MAP2K5: variants seen among roughly 807,000 people sequenced by gnomAD.
MAP2K5 encodes the protein dual specificity mitogen-activated protein kinase kinase 5.
In MAP2K5, 49 loss-of-function variants were observed where a neutral mutation model predicts 83.1. The observed-to-expected ratio is 0.59, with a 90% confidence interval of 0.47 to 0.75. The LOEUF (loss-of-function observed/expected upper bound fraction) is 0.75, where lower values mean the gene tolerates loss of function less well. Ranked by LOEUF, MAP2K5 falls within the 30% of genes least tolerant of loss-of-function variation. The probability of loss-of-function intolerance (pLI) is 0.00; values close to 1 mark genes in which losing one functional copy is unlikely to be tolerated. For missense variants in MAP2K5, 457 were observed against 557.5 expected, an observed-to-expected ratio of 0.82 and a Z score of 1.82; for synonymous variants, 202 against 191.8, an observed-to-expected ratio of 1.05 and a Z score of -0.44.
At chr15:67,741,452 C>A (rs2089489942) in intron 17 of MAP2K5, among the ~76,000 whole-genome samples, 1 of 152,184 alleles carries the variant, frequency 6.6e-6, no homozygotes, top group South Asian at 2.1e-4. Flanking sequence ...CTGGAGCAAC[C>A]CACTTCCTGT....
Position 67,573,074 on chromosome 15 carries a change from G to A in MAP2K5, c.253-7680G>A, listed in dbSNP as rs1313447015. On this transcript the variant is annotated intron_variant, in intron 3 of 21. Coordinates refer to ENST00000178640, the MANE Select transcript of MAP2K5 (RefSeq NM_145160.3). This position sits in a 1 kb window ranked among gnomAD's most constrained non-coding sequence, Gnocchi z 4.2. ...AGGGTATCAGGACATTCCTGAACCT[G>A]GGTATGTTTAGTAAACGTTATCAAT... 6.6e-6 allele frequency among the ~76,000 whole-genome samples: 1 copy of A among 152,090 alleles called. No homozygotes were observed. Among genetic ancestry groups the A allele is most frequent in the Non-Finnish European group, 1.5e-5 (1 of 68,024 alleles).
chr15:67,754,403 A>G (rs1244544278), intron 19 of MAP2K5, among the ~76,000 whole-genome samples: 2 of 152,228 alleles, frequency 1.3e-5, no homozygotes, highest in African/African-American at 4.8e-5. Flanking sequence ...GTAGAAGACT[A>G]CCACAGCTAG....
chr15:67,766,531 A>G (rs2090044713), intron 19 of MAP2K5, among the ~76,000 whole-genome samples: 2 of 152,196 alleles, frequency 1.3e-5, no homozygotes, highest in African/African-American at 4.8e-5. Context: ...CAACTGCTTT[A>G]CTAGAGTCTC....
chr15:67,740,641 A>T (rs1156439096), intron 17 of MAP2K5, among the ~76,000 whole-genome samples: 2 of 152,176 alleles, frequency 1.3e-5, no homozygotes, highest in Non-Finnish European at 2.9e-5. Context: ...CTTTTTCAGT[A>T]TATAAAAAAG....
At chr15:67,776,535 G>T (rs1329455759) in intron 21 of MAP2K5, among the ~76,000 whole-genome samples, 4 of 152,148 alleles carry the variant, frequency 2.6e-5, no homozygotes, top group East Asian at 1.9e-4. Context: ...AGATGGTAGA[G>T]AAATTTCCCT....
Position 67,781,592 on chromosome 15 carries a change from C to A in MAP2K5, c.1242+8840C>A, listed in dbSNP as rs2090329608. Among the ~76,000 whole-genome samples, 1 of 152,110 alleles carries A rather than the reference C, an allele frequency of 6.6e-6. No individual in the cohort carries two copies. The highest frequency in any genetic ancestry group is 1.5e-5 in the Non-Finnish European group (1 of 68,010). ...CGAGAGACATTTGCTGGAGTGTGGA[C>A]TAGTTTCTTTCCAGTATCGTGGTTT... On this transcript the variant is annotated intron_variant, in intron 21 of 21. Coordinates refer to ENST00000178640, the MANE Select transcript of MAP2K5 (RefSeq NM_145160.3). This position sits in a 1 kb window ranked among gnomAD's most constrained non-coding sequence, Gnocchi z 4.0.
chr15:67,546,503 G>A, intron 1 of MAP2K5: 1 of 774,350 alleles, frequency 1.3e-6, no homozygotes, highest in Non-Finnish European at 1.6e-6. Context: ...CCCTGGGCAA[G>A]TCAGTCGGTC....
chr15:67,797,792 C>T (rs1271003638), intron 21 of MAP2K5, among the ~76,000 whole-genome samples: 1 of 152,074 alleles, frequency 6.6e-6, no homozygotes, highest in African/African-American at 2.4e-5. Context: ...AAGCAGTTCT[C>T]CAGCCTCAGC....
At chr15:67,727,365 C>T (rs952862044) in intron 16 of MAP2K5, among the ~76,000 whole-genome samples, 7 of 152,150 alleles carry the variant, frequency 4.6e-5, no homozygotes, top group African/African-American at 1.7e-4. Flanking sequence ...ACCTACAGTT[C>T]TGACTTCACA....
At chr15:67,765,362 A>AT (rs1665091181) in intron 19 of MAP2K5, among the ~76,000 whole-genome samples, 1 of 137,274 alleles carries the variant, frequency 7.3e-6, no homozygotes, top group Non-Finnish European at 1.6e-5. Flanking sequence ...CATCTAATAA[A>AT]ATTTTTTTAA....
At position 67,546,761 on chromosome 15, in the gene MAP2K5, C is replaced by G. The variant is rs534658698; in HGVS notation, c.136-3273C>G. ...TTCTGTGGTCTCCAAGCTCAGATTT[C>G]CCCTCATCTATAAGACTTCTGGGCC... On this transcript the variant is annotated intron_variant, in intron 1 of 21. Transcript: ENST00000178640. 2.0e-5 allele frequency among the ~76,000 whole-genome samples: 3 copies of G among 152,276 alleles called. No individual in the cohort carries two copies. In the East Asian group the frequency reaches 5.8e-4, roughly 29 times the overall value.
At chr15:67,550,618 G>A (rs2084488204) in intron 2 of MAP2K5, among the ~76,000 whole-genome samples, 1 of 152,098 alleles carries the variant, frequency 6.6e-6, no homozygotes, top group South Asian at 2.1e-4. Flanking sequence ...AAACTGTTTT[G>A]TCATGAACCA....
At chr15:67,691,968 C>T (rs1441489708) in intron 13 of MAP2K5, among the ~76,000 whole-genome samples, 1 of 152,154 alleles carries the variant, frequency 6.6e-6, no homozygotes, top group Non-Finnish European at 1.5e-5. Flanking sequence ...AATAGCAGTA[C>T]TACATTAATT....
At position 67,786,031 on chromosome 15, in the gene MAP2K5, T is replaced by TA. The variant is rs2090410370; in HGVS notation, c.1242+13281dup. On this transcript the variant is annotated intron_variant, in intron 21 of 21. Transcript: ENST00000178640. This position sits in a 1 kb window ranked among gnomAD's most constrained non-coding sequence, Gnocchi z 4.7. ...AGCTGTTAGGTTGTTTTTTTTTTTT[T>TA]AACTTACAGAAGATGGAGGTTATGA... Among the ~76,000 whole-genome samples, 1 of 150,000 alleles carries TA rather than the reference T, an allele frequency of 6.7e-6. No individual in the cohort carries two copies. Among genetic ancestry groups the TA allele is most frequent in the Non-Finnish European group, 1.5e-5 (1 of 67,406 alleles).
At chr15:67,584,452 C>T (rs770804819) in intron 4 of MAP2K5, among the ~76,000 whole-genome samples, 22 of 152,102 alleles carry the variant, frequency 1.4e-4, no homozygotes, top group East Asian at 5.8e-4. Flanking sequence ...AAGGACCAGA[C>T]GTCAAATGCA....
Position 67,572,686 on chromosome 15 carries a change from G to T in MAP2K5, c.253-8068G>T, listed in dbSNP as rs572539872. Reference sequence around the variant, plus strand: ...TTTTCTTAATTACTATATTTTGCAAGAATTGATATTATTATTATTATTTTT... The same window carrying T: ...TTTTCTTAATTACTATATTTTGCAATAATTGATATTATTATTATTATTTTT... On this transcript the variant is annotated intron_variant, in intron 3 of 21. Transcript: ENST00000178640. The surrounding 1 kb of genome is among the most constrained non-coding windows in gnomAD (Gnocchi z 4.2). Among the ~76,000 whole-genome samples, 148 of 148,896 alleles carry T rather than the reference G, an allele frequency of 9.9e-4. 1 individual carries two copies. Among genetic ancestry groups the T allele is most frequent in the African/African-American group, 2.8e-3 (115 of 40,942 alleles).
intron 2 of MAP2K5, among the ~76,000 whole-genome samples, chr15:67,550,834 C>G (rs570422980): frequency 6.6e-6 from 1 of 150,584 alleles, no homozygotes; most frequent in African/African-American, 2.4e-5. Context: ...GGCAGTGGTG[C>G]GATCTTAGCT....
intron 6 of MAP2K5, among the ~76,000 whole-genome samples, chr15:67,589,520 C>G (rs1392278403): frequency 1.3e-5 from 2 of 152,202 alleles, no homozygotes; most frequent in East Asian, 3.8e-4. Flanking sequence ...AACTTTCCAT[C>G]TATCTACTGC....
intron 16 of MAP2K5, among the ~76,000 whole-genome samples, chr15:67,727,149 G>A (rs1194808639): frequency 2.0e-5 from 3 of 152,140 alleles, no homozygotes; most frequent in Admixed American, 6.5e-5. Flanking sequence ...GCAGTGAGCC[G>A]AGATCACGCC....
Sources: allele counts gnomAD v4.1 joint callset (sites outside exome capture counted in the v4.1 genomes callset), GRCh38; gene constraint gnomAD v4.1.1; non-coding constraint Gnocchi (gnomAD v3.1); transcripts MANE v1.5; gene names NCBI Gene and HGNC (gene_info 2026-07-23, HGNC 2026-07-21).